CDH13: variants seen among roughly 807,000 people sequenced by gnomAD.
CDH13 encodes the protein cadherin 13, also known as cadherin-13.
A neutral mutation model predicts 63.8 loss-of-function variants in CDH13; 24 were observed. The observed-to-expected ratio is 0.38, with a 90% CI of 0.27 to 0.53. The LOEUF is 0.53. Ranked by LOEUF, CDH13 falls within the 20% of genes least tolerant of loss-of-function variation. The probability of loss-of-function intolerance (pLI) is 0.85; values close to 1 mark genes in which losing one functional copy is unlikely to be tolerated. For missense variants in CDH13, 1,049 were observed against 903.1 expected (o/e 1.16, Z -2.07); for synonymous variants, 503 against 355.3 (o/e 1.42, Z -4.67).
At chr16:83,476,399 G>T (rs13338522) in intron 6 of CDH13, among the ~76,000 whole-genome samples, 20,582 of 152,184 alleles carry the variant, frequency 0.14, 1,522 homozygotes, top group African/African-American at 0.17. Context: ...TTGGCTGGGC[G>T]CAGTGGCTCA....
intron 1 of CDH13, among the ~76,000 whole-genome samples, chr16:82,850,282 C>T (rs1406731871): frequency 6.6e-6 from 1 of 152,126 alleles, no homozygotes; most frequent in Non-Finnish European, 1.5e-5. Flanking sequence ...TGATTTCAAT[C>T]CTCATGGATG....
intron 3 of CDH13, among the ~76,000 whole-genome samples, chr16:83,071,304 C>T (rs2032420896): frequency 1.3e-5 from 2 of 152,130 alleles, no homozygotes; most frequent in Non-Finnish European, 2.9e-5. Flanking sequence ...CATAACCCTG[C>T]AAGGTGTGGG....
intron 7 of CDH13, among the ~76,000 whole-genome samples, chr16:83,572,011 G>T (rs1660182773): frequency 1.3e-5 from 2 of 152,100 alleles, no homozygotes. Context: ...TGTGTCAGAT[G>T]GTGAGGACCA....
At chr16:82,960,711 T>G (rs979582847) in intron 2 of CDH13, among the ~76,000 whole-genome samples, 3 of 152,178 alleles carry the variant, frequency 2.0e-5, no homozygotes, top group Non-Finnish European at 4.4e-5. Flanking sequence ...CCAAGTCTTA[T>G]AGAGGCTCAT....
chr16:83,487,494 G>T (rs2073917097), intron 7 of CDH13, among the ~76,000 whole-genome samples: 1 of 152,058 alleles, frequency 6.6e-6, no homozygotes. Context: ...ACGTGCATGG[G>T]CCCCTCTGGT....
chr16:83,388,181 T>C (rs1170012836), intron 6 of CDH13, among the ~76,000 whole-genome samples: 1 of 151,434 alleles, frequency 6.6e-6, no homozygotes, highest in Non-Finnish European at 1.5e-5. Flanking sequence ...GGGCTAGGCA[T>C]GGTGGCTTAT....
At chr16:83,601,890 C>T (rs1012420977) in intron 7 of CDH13, among the ~76,000 whole-genome samples, 1 of 151,700 alleles carries the variant, frequency 6.6e-6, no homozygotes, top group Non-Finnish European at 1.5e-5. Context: ...GTCAGGAGTT[C>T]AAGACCAGCC....
At chr16:83,587,345 G>C (rs1196387034) in intron 7 of CDH13, among the ~76,000 whole-genome samples, 1 of 152,146 alleles carries the variant, frequency 6.6e-6, no homozygotes, top group Non-Finnish European at 1.5e-5. Flanking sequence ...TTAGGCAAAG[G>C]TTGTAAAGCT....
chr16:83,337,311 C>G (rs1020741074), intron 5 of CDH13, among the ~76,000 whole-genome samples: 3 of 152,172 alleles, frequency 2.0e-5, no homozygotes, highest in African/African-American at 7.2e-5. Flanking sequence ...GGGCCCTAAA[C>G]TCAAGGCTGA....
chr16:83,724,890 C>A (rs762980514), intron 10 of CDH13, among the ~76,000 whole-genome samples: 2 of 152,182 alleles, frequency 1.3e-5, no homozygotes, highest in Non-Finnish European at 2.9e-5. Flanking sequence ...CCCAGCCTTT[C>A]TTCCAGCTGC....
At chr16:83,176,093 A>G (rs72800287) in intron 4 of CDH13, among the ~76,000 whole-genome samples, 2 of 149,636 alleles carry the variant, frequency 1.3e-5, no homozygotes, top group African/African-American at 4.9e-5. Context: ...CAGGTCATCC[A>G]CTTGCCTCGG....
intron 3 of CDH13, among the ~76,000 whole-genome samples, chr16:83,120,849 C>T (rs1393179933): frequency 6.8e-6 from 1 of 147,948 alleles, no homozygotes; most frequent in Non-Finnish European, 1.5e-5. Context: ...CTGCAACTTC[C>T]ATCTCCCAGG....
At chr16:83,458,267 G>A (rs1339677766) in intron 6 of CDH13, among the ~76,000 whole-genome samples, 1 of 152,138 alleles carries the variant, frequency 6.6e-6, no homozygotes, top group African/African-American at 2.4e-5. Context: ...TTGTTGATCT[G>A]TTATTGTTTA....
intron 5 of CDH13, among the ~76,000 whole-genome samples, chr16:83,328,637 A>G (rs2090420451): frequency 1.3e-5 from 2 of 152,166 alleles, no homozygotes; most frequent in Non-Finnish European, 2.9e-5. Flanking sequence ...TAACCAGCAG[A>G]TGATGAGAGA....
intron 2 of CDH13, among the ~76,000 whole-genome samples, chr16:82,988,529 A>C (rs532007885): frequency 4.4e-4 from 67 of 152,238 alleles, no homozygotes; most frequent in African/African-American, 1.6e-3. Flanking sequence ...TGGGAGGCTG[A>C]GGCGGGCAGA....
In CDH13 at chr16:82,657,544, A is replaced by G. The variant is rs182760310; in HGVS notation, c.45+30407A>G. Among the ~76,000 whole-genome samples, 184 of 152,336 alleles carry G rather than the reference A, an allele frequency of 1.2e-3. 1 individual carries two copies. The highest frequency in any genetic ancestry group is 3.9e-3 in the African/African-American group (164 of 41,572). On this transcript the variant is annotated intron_variant, in intron 1 of 13. Coordinates refer to ENST00000567109, the MANE Select transcript of CDH13 (RefSeq NM_001257.5). Reference sequence around the variant, plus strand: ...TATGAATTATTTTTGGAATTTTTCTATTTAATATTTTCAGACTGTGATTGA... The same window carrying G: ...TATGAATTATTTTTGGAATTTTTCTGTTTAATATTTTCAGACTGTGATTGA...
chr16:82,749,958 A>G (rs2034341571), intron 1 of CDH13, among the ~76,000 whole-genome samples: 1 of 152,180 alleles, frequency 6.6e-6, no homozygotes, highest in South Asian at 2.1e-4. Flanking sequence ...ACTAAAGGCA[A>G]GTCGATTTTT....
chr16:82,698,561 T>C (rs2030611853), intron 1 of CDH13, among the ~76,000 whole-genome samples: 1 of 152,224 alleles, frequency 6.6e-6, no homozygotes, highest in Non-Finnish European at 1.5e-5. Context: ...TCCCATATTG[T>C]AGCAGTGTAG....
chr16:83,759,770 T>TA (rs1052586740), intron 11 of CDH13, among the ~76,000 whole-genome samples: 6 of 150,716 alleles, frequency 4.0e-5, no homozygotes, highest in Non-Finnish European at 8.9e-5. Flanking sequence ...TTACAAAAAA[T>TA]AAAAAAAATT....
Sources: allele counts gnomAD v4.1 joint callset (sites outside exome capture counted in the v4.1 genomes callset), GRCh38; gene constraint gnomAD v4.1.1; transcripts MANE v1.5; gene names NCBI Gene and HGNC (gene_info 2026-07-23, HGNC 2026-07-21).